The following ATRNL1 variants were observed in gnomAD, a reference collection of about 807,000 sequenced individuals.
ATRNL1 encodes the protein attractin like 1, also known as attractin-like protein 1.
In ATRNL1, 95 loss-of-function variants were observed where a neutral mutation model predicts 182.7. That is an observed-to-expected ratio of 0.52 (90% CI 0.44 to 0.62). The LOEUF (loss-of-function observed/expected upper bound fraction) is 0.62, where lower values mean the gene tolerates loss of function less well. Ranked by LOEUF, ATRNL1 falls within the 20% of genes least tolerant of loss-of-function variation. The pLI is 0.00. For synonymous variants in ATRNL1, 576 were observed against 568.3 expected, an observed-to-expected ratio of 1.01 and a Z score of -0.19; for missense variants, 1,471 against 1,679.5, an observed-to-expected ratio of 0.88 and a Z score of 2.17.
rs558818340 is a variant in ATRNL1, at chr10:115,231,050, G to T, written c.1533-10521G>T. On this transcript the variant is annotated intron_variant, in intron 9 of 28. Transcript: ENST00000355044. ...TGGTGTCAGGAAGAATGGAAACTTG[G>T]TTTTAGACACGTTTAATTTGAGGTA... Among the ~76,000 whole-genome samples, 4 of 152,164 alleles carry T rather than the reference G, an allele frequency of 2.6e-5. No individual in the cohort carries two copies. The East Asian group carries it at 7.7e-4, about 29-fold the overall frequency.
At chr10:115,677,234 C>A (rs1391861758) in intron 26 of ATRNL1, among the ~76,000 whole-genome samples, 2 of 152,076 alleles carry the variant, frequency 1.3e-5, no homozygotes, top group South Asian at 2.1e-4. Flanking sequence ...AATTTCAGGG[C>A]TGCTCCATGA....
At chr10:115,426,569 T>C (rs1554962955) in intron 21 of ATRNL1, among the ~76,000 whole-genome samples, 1 of 152,198 alleles carries the variant, frequency 6.6e-6, no homozygotes, top group Non-Finnish European at 1.5e-5. Flanking sequence ...CTCATGTGAT[T>C]TTAATGTAGT....
rs114558607 is a variant in ATRNL1 at position 115,125,047 on chromosome 10, A to G, written c.492-2546A>G. Among the ~76,000 whole-genome samples, 714 of 152,278 alleles carry G rather than the reference A, an allele frequency of 4.7e-3. 3 individuals carry two copies. The highest frequency in any genetic ancestry group is 0.016 in the African/African-American group (678 of 41,554). Reference sequence around the variant, plus strand: ...ATTCTAGGGAGAGAAAAGCATATATACAAAGGTATAGACACATTAAAGAGC... The same window carrying G: ...ATTCTAGGGAGAGAAAAGCATATATGCAAAGGTATAGACACATTAAAGAGC... On this transcript the variant is annotated intron_variant, in intron 3 of 28. Transcript: ENST00000355044.
At chr10:115,574,778 C>T (rs992590893) in intron 26 of ATRNL1, among the ~76,000 whole-genome samples, 1 of 152,186 alleles carries the variant, frequency 6.6e-6, no homozygotes, top group Admixed American at 6.5e-5. Flanking sequence ...ATTTCCTACA[C>T]ATAGGGTGCT....
intron 19 of ATRNL1, among the ~76,000 whole-genome samples, chr10:115,390,284 T>C (rs1843952656): frequency 1.3e-5 from 2 of 152,216 alleles, no homozygotes; most frequent in African/African-American, 4.8e-5. Flanking sequence ...ATCAATGTCA[T>C]GTAGCATTTC....
At chr10:115,111,184 T>A (rs562214013) in intron 1 of ATRNL1, among the ~76,000 whole-genome samples, 1 of 152,332 alleles carries the variant, frequency 6.6e-6, no homozygotes, top group East Asian at 1.9e-4. Flanking sequence ...GATTACCATG[T>A]GCAAGAGAAG....
At chr10:115,288,915 T>A (rs1450234363) in intron 15 of ATRNL1, among the ~76,000 whole-genome samples, 2 of 152,182 alleles carry the variant, frequency 1.3e-5, no homozygotes, top group African/African-American at 4.8e-5. Flanking sequence ...TTTAGTTCCT[T>A]ATATATTCTG....
At position 115,093,914 on chromosome 10, in the gene ATRNL1, C is replaced by T. The variant is rs931034365; in HGVS notation, c.164C>T (p.Ala55Val). The change falls in exon 1 of 29, where the codon GCG becomes GTG. Residue 55 changes from alanine (A) to valine (V), a missense_variant. By Grantham distance (64) the Ala-to-Val change is moderately conservative. Transcript: ENST00000355044. This position sits in a 1 kb window ranked among gnomAD's most constrained non-coding sequence, Gnocchi z 6.1. ...CYGFLYLALY[A>V]QVSQSKPCER... is the part of the protein sequence containing the mutation. ...GGCTTCCTCTACCTGGCGCTCTACGCGCAGGTGTCCCAGTCCAAGCCGTGC... is the reference window on the plus strand; with the variant it reads ...GGCTTCCTCTACCTGGCGCTCTACGTGCAGGTGTCCCAGTCCAAGCCGTGC... 1.3e-6 allele frequency: 2 copies of T among 1,597,086 alleles called. No homozygotes were observed. Among genetic ancestry groups the T allele is most frequent in the Non-Finnish European group, 1.7e-6 (2 of 1,173,444 alleles).
At chr10:115,885,955 G>T (rs1555109678) in intron 28 of ATRNL1, among the ~76,000 whole-genome samples, 5 of 152,154 alleles carry the variant, frequency 3.3e-5, no homozygotes, top group South Asian at 4.1e-4. Context: ...CATGTTAAAG[G>T]TCATTCATTC....
chr10:115,898,951 C>CT (rs560691959), intron 28 of ATRNL1, among the ~76,000 whole-genome samples: 3 of 151,292 alleles, frequency 2.0e-5, no homozygotes, highest in African/African-American at 7.3e-5. Context: ...TTTTCTTCTC[C>CT]TTTTTTTTCT....
intron 28 of ATRNL1, among the ~76,000 whole-genome samples, chr10:115,942,739 G>A (rs1565505584): frequency 6.6e-6 from 1 of 152,226 alleles, no homozygotes; most frequent in Non-Finnish European, 1.5e-5. Context: ...AGACCTTGTA[G>A]AAAGGAAAAT....
In ATRNL1 at chr10:115,248,377, G is replaced by T. The variant is rs1850734441; in HGVS notation, c.1687+6652G>T. ...TGGGGGAAGAAGGCAGGACAAAGAA[G>T]TCATGAATGTAGAATAAAAATTTTA... On this transcript the variant is annotated intron_variant, in intron 10 of 28. Coordinates refer to ENST00000355044, the MANE Select transcript of ATRNL1 (RefSeq NM_207303.4). 2.0e-5 allele frequency among the ~76,000 whole-genome samples: 3 copies of T among 152,174 alleles called. No homozygotes were observed. The South Asian group carries it at 6.2e-4, about 32-fold the overall frequency.
intron 20 of ATRNL1, among the ~76,000 whole-genome samples, chr10:115,408,457 C>G (rs1049251364): frequency 6.6e-6 from 1 of 152,156 alleles, no homozygotes. Context: ...GTTTGAGTTC[C>G]TTATGTATTC....
chr10:115,295,923 T>A (rs528021130), intron 15 of ATRNL1, among the ~76,000 whole-genome samples: 2 of 152,132 alleles, frequency 1.3e-5, no homozygotes, highest in Non-Finnish European at 2.9e-5. Context: ...TTGAGCAAGG[T>A]ACACTCCAGA....
intron 19 of ATRNL1, among the ~76,000 whole-genome samples, chr10:115,392,250 TG>T (rs1473095450): frequency 1.3e-5 from 2 of 152,170 alleles, no homozygotes; most frequent in African/African-American, 4.8e-5. Flanking sequence ...CTTATATAGA[TG>T]TAATTTATAT....
chr10:115,206,828 C>T (rs1287192994), intron 8 of ATRNL1, among the ~76,000 whole-genome samples: 13 of 152,082 alleles, frequency 8.5e-5, no homozygotes, highest in East Asian at 3.9e-4. Flanking sequence ...TAATGATATC[C>T]CTTCTCCAGC....
chr10:115,256,800 T>G (rs1258030702), intron 10 of ATRNL1, among the ~76,000 whole-genome samples: 7 of 152,216 alleles, frequency 4.6e-5, no homozygotes, highest in African/African-American at 7.2e-5. Flanking sequence ...CTCTACACAC[T>G]GCTTTGAATG....
At chr10:115,791,181 C>T (rs1949523528) in intron 27 of ATRNL1, among the ~76,000 whole-genome samples, 1 of 152,144 alleles carries the variant, frequency 6.6e-6, no homozygotes, top group Non-Finnish European at 1.5e-5. Flanking sequence ...CAAATGTCAC[C>T]TTTTCAGTGA....
In ATRNL1 at chr10:115,741,226, A is replaced by C. The variant is rs140463249; in HGVS notation, c.3903+13871A>C. Among the ~76,000 whole-genome samples, 67 of 152,320 alleles carry C rather than the reference A, an allele frequency of 4.4e-4. No homozygotes were observed. In the East Asian group the frequency reaches 6.0e-3, roughly 14 times the overall value. ...TGCCAAAAGGACAATAAGCATGAAG[A>C]AGAGGAAAAAGGAATACAATACTCA... On this transcript the variant is annotated intron_variant, in intron 27 of 28. Transcript: ENST00000355044.
Sources: gnomAD v4.1 joint callset for allele counts (sites outside exome capture counted in the v4.1 genomes callset) on GRCh38, gnomAD v4.1.1 for gene constraint, Gnocchi (gnomAD v3.1) non-coding constraint, MANE v1.5 for transcripts, NCBI Gene and HGNC (gene_info 2026-07-23, HGNC 2026-07-21) for gene names.